The following TNNI3K variants were observed in gnomAD, a reference collection of about 807,000 sequenced individuals.
The protein encoded by TNNI3K is TNNI3 interacting kinase.
In TNNI3K, 140 loss-of-function variants were observed where a neutral mutation model predicts 114.5. That is an observed-to-expected ratio of 1.22 (90% CI 1.07 to 1.41). TNNI3K has a LOEUF of 1.41. Among genes scored for constraint, TNNI3K ranks in the 40% most tolerant of loss-of-function variants. The pLI is 0.00. For missense variants in TNNI3K, 1,125 were observed against 1,007.6 expected (o/e 1.12, Z -1.58); for synonymous variants, 347 against 347.5 (o/e 1.00, Z 0.02).
chr1:74,497,279 G>C (rs1347358354), intron 23 of TNNI3K, among the ~76,000 whole-genome samples: 1 of 152,068 alleles, frequency 6.6e-6, no homozygotes, highest in Non-Finnish European at 1.5e-5. Flanking sequence ...ATGTTTACCA[G>C]ATAACAGTGG....
chr1:74,334,595 C>T (rs1660373300), intron 6 of TNNI3K, among the ~76,000 whole-genome samples: 1 of 152,112 alleles, frequency 6.6e-6, no homozygotes, highest in Non-Finnish European at 1.5e-5. Flanking sequence ...ATAAGTGACT[C>T]AAAGGAATTC....
At chr1:74,509,817 A>G (rs1246723107) in intron 23 of TNNI3K, among the ~76,000 whole-genome samples, 1 of 110,660 alleles carries the variant, frequency 9.0e-6, no homozygotes, top group Non-Finnish European at 1.7e-5. Context: ...CAGTTGTGCG[A>G]TTATGGCTCA....
intron 23 of TNNI3K, among the ~76,000 whole-genome samples, chr1:74,504,800 T>C (rs1557613042): frequency 6.6e-6 from 1 of 152,172 alleles, no homozygotes; most frequent in Non-Finnish European, 1.5e-5. Flanking sequence ...TGTTCTTTTC[T>C]ATCCGTCAGC....
At chr1:74,408,641 G>T (rs1664735500) in intron 17 of TNNI3K, among the ~76,000 whole-genome samples, 1 of 152,110 alleles carries the variant, frequency 6.6e-6, no homozygotes, top group South Asian at 2.1e-4. Context: ...CTAATTCTGG[G>T]TTCCCTGTTG....
intron 23 of TNNI3K, among the ~76,000 whole-genome samples, chr1:74,533,955 G>T (rs1646626715): frequency 6.6e-6 from 1 of 152,168 alleles, no homozygotes; most frequent in Non-Finnish European, 1.5e-5. Flanking sequence ...TTCAGTTTCT[G>T]CCTCTGGCTA....
intron 5 of TNNI3K, among the ~76,000 whole-genome samples, chr1:74,278,712 T>C (rs1570409273): frequency 1.3e-5 from 2 of 152,174 alleles, no homozygotes. Flanking sequence ...AATTTTAGAA[T>C]ATTTTTGTCA....
chr1:74,292,945 C>T (rs1450743795), intron 5 of TNNI3K, among the ~76,000 whole-genome samples: 1 of 151,584 alleles, frequency 6.6e-6, no homozygotes, highest in African/African-American at 2.4e-5. Context: ...TTGAACTTCT[C>T]TATCTCTAGC....
At chr1:74,369,790 A>C in intron 16 of TNNI3K, 1 of 563,944 alleles carries the variant, frequency 1.8e-6, no homozygotes, top group Non-Finnish European at 2.6e-6. Flanking sequence ...CTTAGCAGAA[A>C]TTCAGTTGAA....
At chr1:74,402,830 C>T (rs908381271) in intron 17 of TNNI3K, among the ~76,000 whole-genome samples, 8 of 152,176 alleles carry the variant, frequency 5.3e-5, no homozygotes, top group African/African-American at 1.9e-4. Flanking sequence ...TGAATGTGGC[C>T]TAACACAAAT....
At chr1:74,516,607 C>A (rs11210475) in intron 23 of TNNI3K, among the ~76,000 whole-genome samples, 1 of 152,014 alleles carries the variant, frequency 6.6e-6, no homozygotes, top group Non-Finnish European at 1.5e-5. Flanking sequence ...AGACCTGGAC[C>A]GTGGGACCTT....
chr1:74,244,863 T>A (rs1654458348), intron 2 of TNNI3K, among the ~76,000 whole-genome samples: 2 of 152,158 alleles, frequency 1.3e-5, no homozygotes, highest in South Asian at 4.2e-4. Flanking sequence ...GATTTTCATC[T>A]CAACTTTAAC....
chr1:74,513,884 G>T (rs998394444), intron 23 of TNNI3K, among the ~76,000 whole-genome samples: 3 of 152,260 alleles, frequency 2.0e-5, no homozygotes, highest in East Asian at 1.9e-4. Context: ...AGCCACAACC[G>T]CATCTGCAAA....
intron 20 of TNNI3K, among the ~76,000 whole-genome samples, chr1:74,451,683 T>TATCTTTCTTTCTTTC (rs1311984002): frequency 1.3e-5 from 1 of 76,216 alleles, no homozygotes; most frequent in African/African-American, 4.1e-5. Context: ...TTTTCTTTTC[T>TATCTTTCTTTCTTTC]TTTCTTTCTT....
intron 23 of TNNI3K, among the ~76,000 whole-genome samples, chr1:74,529,330 A>T (rs550479869): frequency 6.6e-6 from 1 of 152,300 alleles, no homozygotes; most frequent in South Asian, 2.1e-4. Context: ...CCCTCCAAAG[A>T]TGCATAATTT....
chr1:74,367,773 G>A (rs932166369), intron 12 of TNNI3K, 135 bp from the exon 13 acceptor site: 12 of 777,634 alleles, frequency 1.5e-5, no homozygotes, highest in Non-Finnish European at 2.4e-5. Flanking sequence ...TACAATTTCA[G>A]TATCCAGAGA....
rs115926239 is a variant in TNNI3K, at chr1:74,385,142, G to A, written c.1772+14750G>A. On this transcript the variant is annotated intron_variant, in intron 17 of 24. Transcript: ENST00000326637. ...TGTGAAAGAAAGCACACGTAAAATA[G>A]TACATACCATATTATCCCACTTGTA... Among the ~76,000 whole-genome samples, 604 of 152,164 alleles carry A rather than the reference G, an allele frequency of 4.0e-3. 7 individuals are homozygous for A. Among genetic ancestry groups the A allele is most frequent in the African/African-American group, 0.013 (551 of 41,536 alleles).
chr1:74,391,171 A>G (rs1454489125), intron 17 of TNNI3K, among the ~76,000 whole-genome samples: 4 of 152,188 alleles, frequency 2.6e-5, no homozygotes, highest in Non-Finnish European at 4.4e-5. Flanking sequence ...TGTTCATTCG[A>G]CAAATATTTG....
chr1:74,528,253 G>A (rs564876110), intron 23 of TNNI3K, among the ~76,000 whole-genome samples: 1 of 152,330 alleles, frequency 6.6e-6, no homozygotes, highest in Non-Finnish European at 1.5e-5. Context: ...AGGTGTACGT[G>A]TGGGCAGGCA....
chr1:74,248,419 A>C (rs2100843285), intron 2 of TNNI3K, among the ~76,000 whole-genome samples: 1 of 152,276 alleles, frequency 6.6e-6, no homozygotes, highest in Middle Eastern at 3.4e-3. Context: ...TGGCCTGAGG[A>C]GGTGCCGAGA....
Sources: gnomAD v4.1 joint callset for allele counts (sites outside exome capture counted in the v4.1 genomes callset) on GRCh38, gnomAD v4.1.1 for gene constraint, MANE v1.5 for transcripts, NCBI Gene and HGNC (gene_info 2026-07-23, HGNC 2026-07-21) for gene names.